The following CPLANE1 variants were observed in gnomAD, a reference collection of about 807,000 sequenced individuals.
The protein encoded by CPLANE1 is ciliogenesis and planar polarity effector complex subunit 1.
A neutral mutation model predicts 362.5 loss-of-function variants in CPLANE1; 263 were observed. The ratio of observed to expected loss-of-function variants is 0.73; its 90% confidence interval spans 0.66 to 0.80. The LOEUF (loss-of-function observed/expected upper bound fraction) is 0.80, where lower values mean the gene tolerates loss of function less well. Among genes scored for constraint, CPLANE1 ranks in the 30% least tolerant of loss-of-function variants. The pLI, the probability that CPLANE1 is intolerant of heterozygous loss-of-function variation, is 0.00. For synonymous variants in CPLANE1, 1,212 were observed against 1,302.6 expected, an observed-to-expected ratio of 0.93 and a Z score of 1.50; for missense variants, 3,461 against 3,793.4, an observed-to-expected ratio of 0.91 and a Z score of 2.30.
At chr5:37,168,648 T>C (rs528217963) in intron 34 of CPLANE1, 143 bp downstream of exon 34, 401 of 712,576 alleles carry the variant, frequency 5.6e-4, no homozygotes, top group Non-Finnish European at 6.9e-4. Flanking sequence ...ACAATCATTA[T>C]TTTAAACCTA....
chr5:37,205,928 A>C (rs745853733), intron 17 of CPLANE1, among the ~76,000 whole-genome samples: 1 of 152,218 alleles, frequency 6.6e-6, no homozygotes, highest in Non-Finnish European at 1.5e-5. Flanking sequence ...TGTTCAATAC[A>C]GTAACCACTA....
At chr5:37,188,291 G>A (rs926814602) in intron 21 of CPLANE1, among the ~76,000 whole-genome samples, 1 of 152,182 alleles carries the variant, frequency 6.6e-6, no homozygotes, top group East Asian at 1.9e-4. Context: ...CAATGCACAG[G>A]CTCACAATCC....
At chr5:37,211,727 C>T in intron 16 of CPLANE1, 2 of 779,694 alleles carry the variant, frequency 2.6e-6, no homozygotes, top group Non-Finnish European at 4.8e-6. Context: ...TCCCTCCCTT[C>T]TCCAGCCCTC....
intron 18 of CPLANE1, among the ~76,000 whole-genome samples, chr5:37,203,269 AATG>A (rs1313078862): frequency 6.6e-6 from 1 of 152,196 alleles, no homozygotes; most frequent in Non-Finnish European, 1.5e-5. Context: ...ATGCCACAGA[AATG>A]GAATCATACG....
Position 37,211,220 on chromosome 5 carries a change from T to C in CPLANE1, c.2920+2339A>G, listed in dbSNP as rs935750905. 5 of 1,464,922 alleles carry C rather than the reference T, an allele frequency of 3.4e-6. No homozygotes were observed. The African/African-American group carries it at 7.0e-5, about 20-fold the overall frequency. 90.7% of individuals were successfully genotyped at this position (1,464,922 alleles called of 1,614,324 possible). A position where few individuals can be genotyped will look rare whatever the true frequency, so the allele number is the denominator to read the frequency against. On this transcript the variant is annotated intron_variant, in intron 16 of 52. Coordinates refer to ENST00000651892, the MANE Select transcript of CPLANE1 (RefSeq NM_001384732.1). ...ATCCAAATGCAGGGATGGAGGGTAG[T>C]TCCCCTGATTCTGACCTTGAGTTTG... is the stretch of plus-strand genomic sequence containing the variant.
At chr5:37,122,134 G>A (rs949140790) in intron 48 of CPLANE1, among the ~76,000 whole-genome samples, 2 of 152,112 alleles carry the variant, frequency 1.3e-5, no homozygotes, top group African/African-American at 2.4e-5. Context: ...ATTATTAAAG[G>A]TACTTGTAGT....
At chr5:37,176,178 A>G in intron 30 of CPLANE1, 192 bp from the exon 31 acceptor site, 1 of 469,070 alleles carries the variant, frequency 2.1e-6, no homozygotes, top group Non-Finnish European at 3.8e-6. Context: ...AAGCAAAAAA[A>G]TATGTCTGGA....
chr5:37,135,363 C>T (rs569611815), intron 46 of CPLANE1, among the ~76,000 whole-genome samples: 6 of 152,246 alleles, frequency 3.9e-5, no homozygotes, highest in African/African-American at 1.4e-4. Context: ...AATAGAGACA[C>T]ACCTGAGATT....
chr5:37,219,389 A>G (rs1471168465), intron 15 of CPLANE1, among the ~76,000 whole-genome samples: 1 of 151,956 alleles, frequency 6.6e-6, no homozygotes, highest in Non-Finnish European at 1.5e-5. Flanking sequence ...TCAGCCAGGC[A>G]TGGTGGCGCA....
intron 8 of CPLANE1, among the ~76,000 whole-genome samples, chr5:37,232,683 A>AC (rs926053691): frequency 5.3e-5 from 8 of 151,636 alleles, no homozygotes; most frequent in Non-Finnish European, 1.2e-4. Context: ...CCAAAAAAAA[A>AC]CAAAAAAACA....
chr5:37,231,845 G>A (rs1223540810), intron 8 of CPLANE1, among the ~76,000 whole-genome samples: 2 of 151,782 alleles, frequency 1.3e-5, no homozygotes, highest in Admixed American at 1.3e-4. Context: ...GTTGATATCT[G>A]GTGATACTAA....
intron 20 of CPLANE1, among the ~76,000 whole-genome samples, chr5:37,196,597 G>C (rs1339791815): frequency 2.0e-5 from 3 of 152,118 alleles, no homozygotes; most frequent in African/African-American, 7.2e-5. Flanking sequence ...ATGTGCGAGA[G>C]AGAAGTGCAC....
At chr5:37,108,517 A>C (rs757844331) in intron 51 of CPLANE1, 46 bp from the exon 52 acceptor site, 1 of 1,498,210 alleles carries the variant, frequency 6.7e-7, no homozygotes, top group Admixed American at 2.1e-5. Context: ...TGATTCATTC[A>C]TTCATTCATT....
At chr5:37,164,747 G>A (rs976671667) in intron 36 of CPLANE1, among the ~76,000 whole-genome samples, 5 of 152,106 alleles carry the variant, frequency 3.3e-5, no homozygotes, top group African/African-American at 9.7e-5. Flanking sequence ...CTATTAATAC[G>A]TCTCTATTTA....
the CPLANE1 span, among the ~76,000 whole-genome samples, chr5:37,089,582 T>C: frequency 1.2e-4 from 19 of 152,332 alleles, no homozygotes; most frequent in Middle Eastern, 0.01. Flanking sequence ...CCAAAAAGTC[T>C]GGGAAATGAA....
At chr5:37,152,940 A>T (rs1773994047) in intron 42 of CPLANE1, among the ~76,000 whole-genome samples, 1 of 151,992 alleles carries the variant, frequency 6.6e-6, no homozygotes, top group Non-Finnish European at 1.5e-5. Context: ...CTGATTACTA[A>T]CTCTCTTATA....
Position 37,209,536 on chromosome 5 carries a change from A to C in CPLANE1, c.2921-3111T>G. 7.7e-7 allele frequency: 1 copy of C among 1,297,444 alleles called. No homozygotes were observed. The highest frequency in any genetic ancestry group is 1.2e-5 in the South Asian group (1 of 84,534). The allele number at this position is 1,297,444 out of a possible 1,614,324, so 80.4% of individuals were successfully genotyped here. ...CACCCTGTATTGAGTGGAGAACTGCAACCTCAGTCCATTTCAGTGCAAGGG... is the reference window on the plus strand; with the variant it reads ...CACCCTGTATTGAGTGGAGAACTGCCACCTCAGTCCATTTCAGTGCAAGGG... On this transcript the variant is annotated intron_variant, in intron 16 of 52. Coordinates refer to ENST00000651892, the MANE Select transcript of CPLANE1 (RefSeq NM_001384732.1). This position sits in a 1 kb window ranked among gnomAD's most constrained non-coding sequence, Gnocchi z 4.6.
chr5:37,230,948 A>G lies in CPLANE1; in HGVS notation c.1040T>C (p.Leu347Ser). The G allele has an allele frequency of 6.4e-7, 1 of 1,550,950 alleles. No individual in the cohort carries two copies. The highest frequency in any genetic ancestry group is 8.7e-7 in the Non-Finnish European group (1 of 1,146,634). Residue 347 changes from leucine (L) to serine (S), a missense_variant, in exon 9 of 53, where the codon TTG becomes TCG. Transcript: ENST00000651892. ...SLVLLTCQGE[L>S]LTLITFGCSI... Reference sequence around the variant, plus strand: ...GCAACCAAATGTAATTAATGTTAGCAATTCACCTTGGCAGGTCAATAAAAC... The same window carrying G: ...GCAACCAAATGTAATTAATGTTAGCGATTCACCTTGGCAGGTCAATAAAAC...
At chr5:37,221,265 C>A in intron 15 of CPLANE1, 59 bp downstream of exon 15, 1 of 1,211,962 alleles carries the variant, frequency 8.3e-7, no homozygotes, top group Non-Finnish European at 1.1e-6. Flanking sequence ...GCCAGGCTGG[C>A]AACATAGGGA....
Sources: allele counts gnomAD v4.1 joint callset (sites outside exome capture counted in the v4.1 genomes callset), GRCh38; gene constraint gnomAD v4.1.1; non-coding constraint Gnocchi (gnomAD v3.1); transcripts MANE v1.5; gene names NCBI Gene and HGNC (gene_info 2026-07-23, HGNC 2026-07-21).